Variants in NCKAP5 observed in about 807,000 individuals in gnomAD.
NCKAP5 encodes nck-associated protein 5.
A neutral mutation model predicts 167.0 loss-of-function variants in NCKAP5; 92 were observed. The observed-to-expected ratio is 0.55, with a 90% CI of 0.47 to 0.66. The LOEUF (loss-of-function observed/expected upper bound fraction) is 0.66, where lower values mean the gene tolerates loss of function less well. NCKAP5 is among the 30% of genes least tolerant of loss of function. NCKAP5 has a pLI of 0.00. For synonymous variants in NCKAP5, 891 were observed against 877.4 expected (o/e 1.02, Z -0.27); for missense variants, 2,378 against 2,315.0 (o/e 1.03, Z -0.56).
intron 3 of NCKAP5, among the ~76,000 whole-genome samples, chr2:133,507,342 A>G (rs1683101655): frequency 6.6e-6 from 1 of 152,206 alleles, no homozygotes; most frequent in South Asian, 2.1e-4. Flanking sequence ...CTACACATCT[A>G]TGTGCATGAG....
chr2:132,971,203 A>ACACAG, intron 7 of NCKAP5, among the ~76,000 whole-genome samples: 1 of 152,336 alleles, frequency 6.6e-6, no homozygotes, highest in South Asian at 2.1e-4. Flanking sequence ...CCTGTGAGGA[A>ACACAG]GAGTTTCAAG....
chr2:133,292,719 T>A (rs1373005549), intron 4 of NCKAP5, among the ~76,000 whole-genome samples: 1 of 151,926 alleles, frequency 6.6e-6, no homozygotes, highest in Non-Finnish European at 1.5e-5. Flanking sequence ...AGAAGTGGAG[T>A]TTTTAAGTCA....
intron 4 of NCKAP5, among the ~76,000 whole-genome samples, chr2:133,251,112 C>T (rs1436466065): frequency 1.3e-5 from 2 of 149,418 alleles, no homozygotes; most frequent in African/African-American, 4.9e-5. Context: ...AATAAGAAAA[C>T]ACAAAGAAAA....
chr2:133,128,719 T>A (rs1314057822), intron 6 of NCKAP5, among the ~76,000 whole-genome samples: 2 of 152,072 alleles, frequency 1.3e-5, no homozygotes, highest in Non-Finnish European at 2.9e-5. Context: ...TGCCTCAGCC[T>A]CCCGAGTAGC....
chr2:132,987,940 G>A (rs755487691), intron 7 of NCKAP5, among the ~76,000 whole-genome samples: 2 of 152,142 alleles, frequency 1.3e-5, no homozygotes, highest in Admixed American at 6.6e-5. Flanking sequence ...CTTTCAAAGC[G>A]TTTTATGAAA....
chr2:132,798,518 G>A (rs1391979116), intron 11 of NCKAP5, among the ~76,000 whole-genome samples: 3 of 152,304 alleles, frequency 2.0e-5, no homozygotes, highest in Middle Eastern at 3.4e-3. Context: ...TCTGATTTGA[G>A]AGAAGAGGCC....
chr2:132,792,344 C>T (rs1166166445), intron 12 of NCKAP5, among the ~76,000 whole-genome samples: 4 of 152,126 alleles, frequency 2.6e-5, no homozygotes, highest in East Asian at 1.9e-4. Flanking sequence ...TGTTTATTGC[C>T]GGACGTAACT....
intron 2 of NCKAP5, among the ~76,000 whole-genome samples, chr2:133,550,106 T>C (rs1687150451): frequency 6.7e-6 from 1 of 149,172 alleles, no homozygotes; most frequent in Admixed American, 6.7e-5. Context: ...CAATAATCAA[T>C]AGTTTACCAA....
chr2:133,038,477 G>T (rs2079107477), intron 6 of NCKAP5, among the ~76,000 whole-genome samples: 1 of 152,020 alleles, frequency 6.6e-6, no homozygotes, highest in Non-Finnish European at 1.5e-5. Context: ...GCTGGGAAGG[G>T]TATCAGGGCA....
At chr2:132,792,244 C>A (rs773454195) in intron 12 of NCKAP5, among the ~76,000 whole-genome samples, 1 of 152,216 alleles carries the variant, frequency 6.6e-6, no homozygotes, top group Non-Finnish European at 1.5e-5. Flanking sequence ...TATCCTATTT[C>A]TTCCCCCTGA....
intron 3 of NCKAP5, among the ~76,000 whole-genome samples, chr2:133,457,316 G>C (rs575574579): frequency 2.8e-4 from 42 of 152,220 alleles, no homozygotes; most frequent in African/African-American, 8.2e-4. Context: ...AGTGTCTGTA[G>C]AGCCAAAGCT....
chr2:133,672,872 G>C, the NCKAP5 span, among the ~76,000 whole-genome samples: 1 of 152,104 alleles, frequency 6.6e-6, no homozygotes, highest in Non-Finnish European at 1.5e-5. Context: ...CTTTACTCTT[G>C]ATCACCCCTC....
intron 11 of NCKAP5, among the ~76,000 whole-genome samples, chr2:132,807,451 T>A (rs2105241342): frequency 6.6e-6 from 1 of 152,290 alleles, no homozygotes; most frequent in Non-Finnish European, 1.5e-5. Flanking sequence ...TGTTTTGTAG[T>A]TTTCCTTGTA....
intron 19 of NCKAP5, among the ~76,000 whole-genome samples, chr2:132,718,520 G>A (rs1689592296): frequency 6.6e-6 from 1 of 152,180 alleles, no homozygotes; most frequent in Non-Finnish European, 1.5e-5. Flanking sequence ...AAAGGATTCT[G>A]ATATGCCTGC....
chr2:132,969,395 T>C (rs1212724746), intron 7 of NCKAP5, among the ~76,000 whole-genome samples: 1 of 152,186 alleles, frequency 6.6e-6, no homozygotes, highest in Non-Finnish European at 1.5e-5. Flanking sequence ...AAATCATTAG[T>C]GTCTAGCCTG....
At chr2:133,318,976 C>T (rs1681820464) in intron 3 of NCKAP5, among the ~76,000 whole-genome samples, 1 of 152,122 alleles carries the variant, frequency 6.6e-6, no homozygotes, top group Admixed American at 6.5e-5. Context: ...AGAAATGCAA[C>T]TTCTCTGGCC....
At chr2:132,861,344 A>T (rs1689895489) in intron 10 of NCKAP5, among the ~76,000 whole-genome samples, 2 of 152,102 alleles carry the variant, frequency 1.3e-5, no homozygotes, top group Admixed American at 1.3e-4. Context: ...TGCCTTCCAA[A>T]CTGACTGCAA....
chr2:133,164,951 T>A (rs2083939435), intron 5 of NCKAP5, among the ~76,000 whole-genome samples: 1 of 152,214 alleles, frequency 6.6e-6, no homozygotes, highest in Non-Finnish European at 1.5e-5. Flanking sequence ...TTAACAGGTA[T>A]GAAGACAGAC....
intron 13 of NCKAP5, among the ~76,000 whole-genome samples, chr2:132,788,826 T>C (rs1683812063): frequency 6.6e-6 from 1 of 152,228 alleles, no homozygotes; most frequent in African/African-American, 2.4e-5. Flanking sequence ...GTTTATTATG[T>C]AAGTTAATAC....
Sources: gnomAD v4.1 joint callset for allele counts (sites outside exome capture counted in the v4.1 genomes callset) on GRCh38, gnomAD v4.1.1 for gene constraint, MANE v1.5 for transcripts, NCBI Gene and HGNC (gene_info 2026-07-23, HGNC 2026-07-21) for gene names.